PRSS12: variants seen among roughly 807,000 people sequenced by gnomAD.
PRSS12 encodes the protein serine protease 12.
A neutral mutation model predicts 104.4 loss-of-function variants in PRSS12; 85 were observed. The observed-to-expected ratio is 0.81, with a 90% CI of 0.68 to 0.98. PRSS12 has a LOEUF of 0.98. Among genes scored for constraint, PRSS12 ranks in the 50% least tolerant of loss-of-function variants. The pLI, the probability that PRSS12 is intolerant of heterozygous loss-of-function variation, is 0.00. For synonymous variants in PRSS12, 454 were observed against 425.2 expected (o/e 1.07, Z -0.83); for missense variants, 1,141 against 1,139.2 (o/e 1.00, Z -0.02).
chr4:118,324,316 A>C lies in PRSS12; in HGVS notation c.972-5760T>G, dbSNP rs1393483183. Among the ~76,000 whole-genome samples, 10 of 152,124 alleles carry C rather than the reference A, an allele frequency of 6.6e-5. 1 individual carries two copies. The highest frequency in any genetic ancestry group is 1.5e-4 in the Non-Finnish European group (10 of 67,990). ...AAGATCACTAGTGGTAAAATTAAAC[A>C]ATAATGCATGCTTACCTATCACATT... On this transcript the variant is annotated intron_variant, in intron 4 of 12. Coordinates refer to ENST00000296498, the MANE Select transcript of PRSS12 (RefSeq NM_003619.4).
intron 11 of PRSS12, among the ~76,000 whole-genome samples, chr4:118,285,315 A>G (rs1477230061): frequency 1.3e-5 from 2 of 152,338 alleles, no homozygotes; most frequent in Non-Finnish European, 2.9e-5. Flanking sequence ...CTAAAAAGTA[A>G]TAGGCATGGA....
At chr4:118,342,294 ATTCT>A (rs1316017755) in intron 1 of PRSS12, among the ~76,000 whole-genome samples, 1 of 152,226 alleles carries the variant, frequency 6.6e-6, no homozygotes, top group Non-Finnish European at 1.5e-5. Context: ...TGTAGACGAA[ATTCT>A]TTGTTTGGCA....
At chr4:118,342,551 G>T (rs1461750767) in intron 1 of PRSS12, among the ~76,000 whole-genome samples, 1 of 152,128 alleles carries the variant, frequency 6.6e-6, no homozygotes, top group African/African-American at 2.4e-5. Flanking sequence ...ATAATTTAAA[G>T]TCTCAAGCAG....
At chr4:118,326,836 C>T (rs938501800) in intron 4 of PRSS12, among the ~76,000 whole-genome samples, 1 of 152,114 alleles carries the variant, frequency 6.6e-6, no homozygotes, top group Non-Finnish European at 1.5e-5. Flanking sequence ...CTTTCCTGCT[C>T]AATAATTCCA....
intron 2 of PRSS12, among the ~76,000 whole-genome samples, chr4:118,336,210 T>C (rs573148392): frequency 6.6e-6 from 1 of 152,224 alleles, no homozygotes. Context: ...ACACTGTATA[T>C]AGTATTTGCT....
At chr4:118,303,655 G>A (rs1240418550) in intron 8 of PRSS12, 1 of 152,138 alleles carries the variant, frequency 6.6e-6, no homozygotes, top group Non-Finnish European at 1.5e-5. Context: ...TAAACTGGAT[G>A]TCAAGTGCTC....
In PRSS12 at chr4:118,352,423, C is replaced by A. The variant is rs935904468; in HGVS notation, c.298G>T (p.Val100Phe). The A allele has an allele frequency of 4.0e-6, 6 of 1,513,048 alleles. No individual in the cohort carries two copies. The highest frequency in any genetic ancestry group is 1.4e-5 in the African/African-American group (1 of 70,814). The allele number at this position is 1,513,048 out of a possible 1,614,324, so 93.7% of individuals were successfully genotyped here. ...GGGGCGCCGAAGTCCGTCACGCTGA[C>A]CCATGGCTCGCCGGCGGGGCAGCCC... ...PWGCPAGEPW[V>F]SVTDFGAPCL... The change falls in exon 1 of 13, where the codon GTC becomes TTC. Residue 100 changes from valine (V) to phenylalanine (F), a missense_variant. Coordinates refer to ENST00000296498, the MANE Select transcript of PRSS12 (RefSeq NM_003619.4).
In PRSS12 at chr4:118,316,273, C is replaced by G; in HGVS notation, c.1201G>C (p.Glu401Gln). The change falls in exon 6 of 13, where the codon GAG becomes CAG. Residue 401 changes from glutamate to glutamine, a missense_variant. Coordinates refer to ENST00000296498, the MANE Select transcript of PRSS12 (RefSeq NM_003619.4). ...CCCCACTGGCCTCTGTAATATACCT[C>G]CAAGCGACCCTCATGGCTGCCTTTC... ...GGKGSHEGRL[E>Q]VYYRGQWGTV... 1 of 1,614,102 alleles carries G rather than the reference C, an allele frequency of 6.2e-7. No individual in the cohort carries two copies. Among genetic ancestry groups the G allele is most frequent in the Non-Finnish European group, 8.5e-7 (1 of 1,180,014 alleles).
At chr4:118,343,749 C>T (rs931741437) in intron 1 of PRSS12, among the ~76,000 whole-genome samples, 1 of 152,142 alleles carries the variant, frequency 6.6e-6, no homozygotes, top group Non-Finnish European at 1.5e-5. Context: ...AAGAAAGACC[C>T]TGTGGGGGGA....
At chr4:118,326,698 A>G (rs1723779820) in intron 4 of PRSS12, among the ~76,000 whole-genome samples, 1 of 152,202 alleles carries the variant, frequency 6.6e-6, no homozygotes, top group African/African-American at 2.4e-5. Context: ...TTTACAAATA[A>G]TGTAACATAA....
At position 118,318,371 on chromosome 4, in the gene PRSS12, T is replaced by C. The variant is rs756434611; in HGVS notation, c.1150+7A>G. ...GAACTGGTACACTAATGGAGTGAAATCCTTACCTGTTAGAGGGGTACAGGA... is the reference window on the plus strand; with the variant it reads ...GAACTGGTACACTAATGGAGTGAAACCCTTACCTGTTAGAGGGGTACAGGA... On this transcript the variant is annotated splice_region_variant and intron_variant, in intron 5 of 12. Transcript: ENST00000296498. 1.2e-6 allele frequency: 2 copies of C among 1,613,728 alleles called. No homozygotes were observed. Among genetic ancestry groups the C allele is most frequent in the Admixed American group, 3.3e-5 (2 of 59,984 alleles).
chr4:118,342,486 T>A (rs1345160682), intron 1 of PRSS12, among the ~76,000 whole-genome samples: 1 of 152,222 alleles, frequency 6.6e-6, no homozygotes, highest in Non-Finnish European at 1.5e-5. Flanking sequence ...AAGTGCCACG[T>A]GCACAGAAAA....
In PRSS12 at chr4:118,283,191, C is replaced by G. The variant is rs149336114; in HGVS notation, c.2040-80G>C. On this transcript the variant is annotated intron_variant, in intron 11 of 12. Coordinates refer to ENST00000296498, the MANE Select transcript of PRSS12 (RefSeq NM_003619.4). Reference sequence around the variant, plus strand: ...TCAAGAAGGAAGACTAATGAAGATACAAGCCTTTCTTCCAAATCATCAGCC... The same window carrying G: ...TCAAGAAGGAAGACTAATGAAGATAGAAGCCTTTCTTCCAAATCATCAGCC... 9.8e-6 allele frequency: 15 copies of G among 1,526,406 alleles called. No individual in the cohort carries two copies. The East Asian group carries it at 2.5e-4, about 25-fold the overall frequency. The allele number at this position is 1,526,406 out of a possible 1,614,324, so 94.6% of individuals were successfully genotyped here.
In PRSS12 at chr4:118,287,274, C is replaced by T. The variant is rs185451694; in HGVS notation, c.2040-4163G>A. Among the ~76,000 whole-genome samples the T allele has an allele frequency of 3.9e-5, 6 of 152,230 alleles. No homozygotes were observed. The East Asian group carries it at 1.2e-3, about 29-fold the overall frequency. ...CATCCTCCTGCCTTAGCCACTCAAG[C>T]AGCCGGGACCACAAGTGCATGCCAC... is the stretch of plus-strand genomic sequence containing the variant. On this transcript the variant is annotated intron_variant, in intron 11 of 12. Coordinates refer to ENST00000296498, the MANE Select transcript of PRSS12 (RefSeq NM_003619.4).
At chr4:118,305,101 TTA>T (rs35049135) in intron 8 of PRSS12, among the ~76,000 whole-genome samples, 13,801 of 146,360 alleles carry the variant, frequency 0.094, 692 homozygotes, top group African/African-American at 0.11. Context: ...TGTTTATAAT[TTA>T]TATATATATA....
At chr4:118,325,323 TAA>T (rs756487567) in intron 4 of PRSS12, among the ~76,000 whole-genome samples, 13 of 132,684 alleles carry the variant, frequency 9.8e-5, no homozygotes, top group Non-Finnish European at 8.2e-5. Flanking sequence ...AGCTGAAAAT[TAA>T]AAAAAAAAAA....
Position 118,352,126 on chromosome 4 carries a change from C to G in PRSS12, c.502+93G>C, listed in dbSNP as rs1578947581. 7 of 1,542,724 alleles carry G rather than the reference C, an allele frequency of 4.5e-6. No individual in the cohort carries two copies. In the East Asian group the frequency reaches 1.6e-4, roughly 36 times the overall value. On this transcript the variant is annotated intron_variant, in intron 1 of 12. Transcript: ENST00000296498. ...CGCAAGCCCACAACCCCACACACCCCGTCACTTTTTCCAAGAGACCTGTAC... is the reference window on the plus strand; with the variant it reads ...CGCAAGCCCACAACCCCACACACCCGGTCACTTTTTCCAAGAGACCTGTAC...
chr4:118,343,175 G>A (rs1460142372), intron 1 of PRSS12, among the ~76,000 whole-genome samples: 7 of 151,882 alleles, frequency 4.6e-5, no homozygotes, highest in Non-Finnish European at 8.8e-5. Context: ...GACTGTTTGA[G>A]CCCTGGGGTT....
intron 4 of PRSS12, among the ~76,000 whole-genome samples, chr4:118,327,248 G>A (rs1723798186): frequency 6.6e-6 from 1 of 152,050 alleles, no homozygotes; most frequent in Non-Finnish European, 1.5e-5. Context: ...TCAACCTCCT[G>A]GACTAACAAT....
Sources: allele counts gnomAD v4.1 joint callset (sites outside exome capture counted in the v4.1 genomes callset), GRCh38; gene constraint gnomAD v4.1.1; transcripts MANE v1.5; gene names NCBI Gene and HGNC (gene_info 2026-07-23, HGNC 2026-07-21).